The following GNAS variants were observed in gnomAD, a reference collection of about 807,000 sequenced individuals.
The protein encoded by GNAS is protein ALEX.
In GNAS, 8 loss-of-function variants were observed where a neutral mutation model predicts 54.5. The ratio of observed to expected loss-of-function variants is 0.15; its 90% confidence interval spans 0.09 to 0.26. The LOEUF is 0.26. Among genes scored for constraint, GNAS ranks in the 10% least tolerant of loss-of-function variants. The probability of loss-of-function intolerance (pLI) is 1.00; values close to 1 mark genes in which losing one functional copy is unlikely to be tolerated. For missense variants in GNAS, 170 were observed against 529.8 expected, an observed-to-expected ratio of 0.32 and a Z score of 6.67; for synonymous variants, 204 against 191.4, an observed-to-expected ratio of 1.07 and a Z score of -0.54.
At chr20:58,859,427 C>A (rs1467552167) in intron 1 of GNAS, among the ~76,000 whole-genome samples, 1 of 151,970 alleles carries the variant, frequency 6.6e-6, no homozygotes, top group Non-Finnish European at 1.5e-5. Flanking sequence ...GTCTCGAACT[C>A]CTGACCTCAA....
intron 1 of GNAS, among the ~76,000 whole-genome samples, chr20:58,894,826 A>G (rs990034804): frequency 1.3e-5 from 2 of 152,270 alleles, no homozygotes; most frequent in South Asian, 4.1e-4. Flanking sequence ...TTGTTTTTGC[A>G]GTTTACCTAA....
In GNAS at chr20:58,853,486, C is replaced by T. The variant is rs561185529; in HGVS notation, c.43+12600C>T. On this transcript the variant is annotated intron_variant, in intron 1 of 12. Coordinates refer to the GNAS transcript ENST00000306090. This position sits in a 1 kb window ranked among gnomAD's most constrained non-coding sequence, Gnocchi z 4.4. The stretch of plus-strand genomic sequence containing the variant: ...GAGGCCTGTGGACCCCCAGAGGTCT[C>T]CAGACCCAACTTTCAGGTCCTCAAC... 6.2e-7 allele frequency: 1 copy of T among 1,613,062 alleles called. No homozygotes were observed. Among genetic ancestry groups the T allele is most frequent in the Non-Finnish European group, 8.5e-7 (1 of 1,179,790 alleles).
intron 2 of GNAS, among the ~76,000 whole-genome samples, chr20:58,896,497 G>A (rs1378249350): frequency 3.3e-5 from 5 of 152,050 alleles, no homozygotes; most frequent in African/African-American, 7.2e-5. Flanking sequence ...CCTGTGAGAC[G>A]AGTTAGGAAG....
Position 58,901,026 on chromosome 20 carries a change from G to A in GNAS, c.257+2041G>A, listed in dbSNP as rs145719360. Reference sequence around the variant, plus strand: ...GACCAAAATATCAAACTGAATGAAAGAAACTTGTTTCTGGAAATACTTTCT... The same window carrying A: ...GACCAAAATATCAAACTGAATGAAAAAAACTTGTTTCTGGAAATACTTTCT... On this transcript the variant is annotated intron_variant, in intron 3 of 12. Coordinates refer to ENST00000371085, the MANE Select transcript of GNAS (RefSeq NM_000516.7). 5.5e-4 allele frequency among the ~76,000 whole-genome samples: 84 copies of A among 152,258 alleles called. No homozygotes were observed. In the East Asian group the frequency reaches 0.015, roughly 28 times the overall value.
chr20:58,908,774 G>C (rs1367162842), intron 6 of GNAS: 2 of 276,068 alleles, frequency 7.2e-6, no homozygotes, highest in Admixed American at 9.7e-5. Context: ...AATATTGCCA[G>C]AGAGCAACAG....
Position 58,854,887 on chromosome 20 carries a change from C to G in GNAS, c.43+14001C>G. The G allele has an allele frequency of 1.7e-5, 27 of 1,594,368 alleles. No homozygotes were observed. Among genetic ancestry groups the G allele is most frequent in the Non-Finnish European group, 2.3e-5 (27 of 1,173,478 alleles). On this transcript the variant is annotated intron_variant, in intron 1 of 12. Coordinates refer to the GNAS transcript ENST00000306090. ...CCCGAGATCCAGGCTGCCGATCCGCCTACTCCGCGGCCTACTCGCGCGTCT... is the reference window on the plus strand; with the variant it reads ...CCCGAGATCCAGGCTGCCGATCCGCGTACTCCGCGGCCTACTCGCGCGTCT...
rs1351941789 is a variant in GNAS at position 58,891,436 on chromosome 20, T to G, written c.-291T>G. ...CAGCGGCGGCAGCAGCTCCCGCAGC[T>G]CCTGCTCTGGTCCGCCTCGGCCCGG... On this transcript the variant is annotated 5_prime_UTR_variant, in exon 1 of 13. Coordinates refer to ENST00000371085, the MANE Select transcript of GNAS (RefSeq NM_000516.7). 8.1e-6 allele frequency: 4 copies of G among 491,826 alleles called. No homozygotes were observed. Among genetic ancestry groups the G allele is most frequent in the Non-Finnish European group, 1.0e-5 (4 of 384,532 alleles). The allele number at this position is 491,826 out of a possible 1,614,324, so 30.5% of individuals were successfully genotyped here.
At chr20:58,864,278 AAG>A (rs2086918769) in intron 1 of GNAS, 1 of 152,220 alleles carries the variant, frequency 6.6e-6, no homozygotes, top group African/African-American at 2.4e-5. Flanking sequence ...TTTAAGCAGA[AAG>A]CCCTGTGGGT....
At chr20:58,908,324 C>CT (rs900647852) in intron 6 of GNAS, among the ~76,000 whole-genome samples, 2 of 152,044 alleles carry the variant, frequency 1.3e-5, no homozygotes, top group African/African-American at 2.4e-5. Context: ...AAACAAGATG[C>CT]TTTTTTTAAT....
rs191619004 is a variant in GNAS, at chr20:58,861,397, T to G, written c.43+20511T>G. 5.4e-4 allele frequency among the ~76,000 whole-genome samples: 82 copies of G among 152,290 alleles called. 1 individual carries two copies. Among genetic ancestry groups the G allele is most frequent in the Admixed American group, 2.9e-3 (45 of 15,300 alleles). On this transcript the variant is annotated intron_variant, in intron 1 of 12. Transcript: ENST00000306090. ...AGCCTAATTGACCATCTCTGACCCC[T>G]TGGAATAGGGACTAGGAGACTCTGG...
intron 1 of GNAS, among the ~76,000 whole-genome samples, chr20:58,868,980 C>T (rs1321347138): frequency 6.6e-6 from 1 of 152,218 alleles, no homozygotes; most frequent in Non-Finnish European, 1.5e-5. Context: ...ATCCCCCTCC[C>T]TAAATCCTCC....
chr20:58,854,969 G>A (rs2086396661), intron 1 of GNAS: 3 of 1,611,576 alleles, frequency 1.9e-6, no homozygotes, highest in Admixed American at 1.7e-5. Context: ...ACGATGAAGG[G>A]GTGGCCAGCA....
chr20:58,898,730 G>C (rs2090320742), intron 2 of GNAS: 1 of 643,544 alleles, frequency 1.6e-6, no homozygotes, highest in Admixed American at 2.3e-5. Flanking sequence ...GCAAAGGTGT[G>C]GGATTCTTCC....
chr20:58,890,165 G>A (rs1318685623), upstream of GNAS, among the ~76,000 whole-genome samples: 3 of 151,844 alleles, frequency 2.0e-5, no homozygotes, highest in African/African-American at 7.2e-5. Flanking sequence ...AGAAGAAGAA[G>A]GAGAAGGAGA....
chr20:58,875,543 A>G (rs917996437), intron 1 of GNAS, among the ~76,000 whole-genome samples: 1 of 152,176 alleles, frequency 6.6e-6, no homozygotes. Context: ...CTGTTTTCCC[A>G]ACCCAAGTCT....
At chr20:58,886,261 A>G (rs1169776808) in intron 1 of GNAS, among the ~76,000 whole-genome samples, 4 of 152,324 alleles carry the variant, frequency 2.6e-5, no homozygotes, top group Admixed American at 6.5e-5. Context: ...TTTCGAGGCC[A>G]TATCTCCATG....
At chr20:58,850,065 G>A (rs940649381) in intron 1 of GNAS, among the ~76,000 whole-genome samples, 15 of 152,226 alleles carry the variant, frequency 9.9e-5, no homozygotes, top group African/African-American at 3.6e-4. Flanking sequence ...TGTTTACCCA[G>A]CCACGCCCCA....
At chr20:58,893,916 C>T (rs570314241) in intron 1 of GNAS, among the ~76,000 whole-genome samples, 1 of 152,330 alleles carries the variant, frequency 6.6e-6, no homozygotes, top group South Asian at 2.1e-4. Context: ...CGCCTTGCGT[C>T]ACGGGGGCTA....
At chr20:58,847,820 G>A (rs1248389312) in intron 1 of GNAS, among the ~76,000 whole-genome samples, 1 of 152,212 alleles carries the variant, frequency 6.6e-6, no homozygotes, top group Non-Finnish European at 1.5e-5. Flanking sequence ...AAAGCTGACA[G>A]GTAGCTACCT....
Sources: allele counts gnomAD v4.1 joint callset (sites outside exome capture counted in the v4.1 genomes callset), GRCh38; gene constraint gnomAD v4.1.1; non-coding constraint Gnocchi (gnomAD v3.1); transcripts MANE v1.5; gene names NCBI Gene and HGNC (gene_info 2026-07-23, HGNC 2026-07-21).